Variants in CCNH observed in about 807,000 individuals in gnomAD.
CCNH encodes the protein cyclin-H.
A neutral mutation model predicts 41.9 loss-of-function variants in CCNH; 31 were observed. That is an observed-to-expected ratio of 0.74 (90% CI 0.56 to 1.00). The LOEUF is 1.00. Ranked by LOEUF, CCNH falls within the 50% of genes least tolerant of loss-of-function variation. The pLI is 0.00. For missense variants in CCNH, 362 were observed against 388.4 expected (o/e 0.93, Z 0.57); for synonymous variants, 138 against 136.1 (o/e 1.01, Z -0.10).
intron 9 of CCNH, among the ~76,000 whole-genome samples, chr5:87,367,178 A>G (rs1052297659): frequency 5.9e-5 from 9 of 152,246 alleles, no homozygotes; most frequent in Non-Finnish European, 1.2e-4. Context: ...AGCATTAACA[A>G]AGTACATTTC....
chr5:87,394,800 G>A, intron 8 of CCNH: 2 of 1,359,680 alleles, frequency 1.5e-6, no homozygotes, highest in Non-Finnish European at 9.4e-7. Context: ...CAAAAATGTA[G>A]TATGTATACA....
chr5:87,412,350 T>C, intron 1 of CCNH: 1 of 1,016,282 alleles, frequency 9.8e-7, no homozygotes, highest in Non-Finnish European at 1.2e-6. Flanking sequence ...TTTCTCCGCA[T>C]TGGCTACTGG....
intron 9 of CCNH, among the ~76,000 whole-genome samples, chr5:87,322,596 G>C (rs908192634): frequency 6.6e-6 from 1 of 152,038 alleles, no homozygotes; most frequent in Admixed American, 6.6e-5. Context: ...TTTGCCTTCT[G>C]CCATGAGTAA....
At chr5:87,412,353 G>A in intron 1 of CCNH, 1 of 1,028,112 alleles carries the variant, frequency 9.7e-7, no homozygotes, top group Non-Finnish European at 1.2e-6. Flanking sequence ...CTCCGCATTG[G>A]CTACTGGGAA....
At chr5:87,389,512 G>A, downstream of CCNH, 1 of 1,614,080 alleles carries the variant, frequency 6.2e-7, no homozygotes, top group Non-Finnish European at 8.5e-7. Context: ...TCAGTAATGA[G>A]CGTGGTGCAC....
intron 7 of CCNH, among the ~76,000 whole-genome samples, chr5:87,397,604 T>A (rs1012387231): frequency 4.9e-4 from 74 of 152,304 alleles, no homozygotes; most frequent in South Asian, 8.3e-4. Flanking sequence ...GATTTTTTTT[T>A]AAAAAAGTCC....
At chr5:87,326,767 T>C (rs1757260924) in intron 9 of CCNH, among the ~76,000 whole-genome samples, 1 of 152,166 alleles carries the variant, frequency 6.6e-6, no homozygotes, top group South Asian at 2.1e-4. Flanking sequence ...GAATTTCTAG[T>C]TTATTAATAG....
intron 9 of CCNH, among the ~76,000 whole-genome samples, chr5:87,360,483 T>C (rs1760004587): frequency 1.3e-5 from 2 of 152,214 alleles, no homozygotes; most frequent in African/African-American, 4.8e-5. Flanking sequence ...GCTCCATAAT[T>C]GTAAAATATT....
At position 87,400,635 on chromosome 5, in the gene CCNH, C is replaced by T. The variant is rs3093820; in HGVS notation, c.760+1067G>A. 2.2e-3 allele frequency among the ~76,000 whole-genome samples: 331 copies of T among 152,268 alleles called. 2 individuals are homozygous for T. The highest frequency in any genetic ancestry group is 3.5e-3 in the Non-Finnish European group (235 of 68,014). On this transcript the variant is annotated intron_variant, in intron 6 of 8. Coordinates refer to ENST00000256897, the MANE Select transcript of CCNH (RefSeq NM_001239.4). ...AGAATCAGGAAATGATACATAGATG[C>T]CCTGAAGCATCTTAAATTTTAAAAC...
chr5:87,348,557 A>G (rs1759026000), intron 9 of CCNH, among the ~76,000 whole-genome samples: 1 of 152,066 alleles, frequency 6.6e-6, no homozygotes, highest in East Asian at 1.9e-4. Context: ...GATTTTTGAT[A>G]ATGTATACAC....
At chr5:87,343,766 A>G (rs1429047692) in intron 9 of CCNH, among the ~76,000 whole-genome samples, 1 of 152,138 alleles carries the variant, frequency 6.6e-6, no homozygotes, top group African/African-American at 2.4e-5. Context: ...AGACAGCTGC[A>G]CTCCTATGTT....
At chr5:87,380,388 T>G, upstream of CCNH, 1 of 903,064 alleles carries the variant, frequency 1.1e-6, no homozygotes, top group Non-Finnish European at 1.8e-6. Context: ...AAAATACTTT[T>G]TTGGGTAAAA....
chr5:87,322,584 C>T (rs768345456), intron 9 of CCNH, among the ~76,000 whole-genome samples: 23 of 152,084 alleles, frequency 1.5e-4, no homozygotes, highest in Non-Finnish European at 2.4e-4. Flanking sequence ...GCTAGCTCTC[C>T]CTTTGCCTTC....
At chr5:87,405,878 A>G (rs1763752130) in intron 4 of CCNH, among the ~76,000 whole-genome samples, 1 of 152,034 alleles carries the variant, frequency 6.6e-6, no homozygotes, top group African/African-American at 2.4e-5. Context: ...TTGCAACTAT[A>G]CCAAGATTTC....
At chr5:87,315,686 A>G (rs181515081), downstream of CCNH, among the ~76,000 whole-genome samples, 279 of 152,348 alleles carry the variant, frequency 1.8e-3, 1 homozygote, top group Non-Finnish European at 2.2e-3. Flanking sequence ...AGAGGGTTGA[A>G]CAACTGCTGT....
chr5:87,383,664 A>T, intron 9 of CCNH: 1 of 1,365,322 alleles, frequency 7.3e-7, no homozygotes. Flanking sequence ...GTAACACATT[A>T]TATAGGTGTT....
At chr5:87,350,539 ACTTC>A (rs1382990570) in intron 9 of CCNH, among the ~76,000 whole-genome samples, 1 of 151,744 alleles carries the variant, frequency 6.6e-6, no homozygotes, top group Non-Finnish European at 1.5e-5. Context: ...ACTAACTTAA[ACTTC>A]CTTATGATAC....
chr5:87,412,823 C>G lies in CCNH; in HGVS notation c.-29G>C. The stretch of plus-strand genomic sequence containing the variant: ...GGAATCGTGACCAGGTCCAGAGGGT[C>G]TGCAGACGAGAACCCAAACGCATCA... On this transcript the variant is annotated 5_prime_UTR_variant, in exon 1 of 9. Coordinates refer to ENST00000256897, the MANE Select transcript of CCNH (RefSeq NM_001239.4). 6.2e-7 allele frequency: 1 copy of G among 1,605,880 alleles called. No homozygotes were observed. The highest frequency in any genetic ancestry group is 8.5e-7 in the Non-Finnish European group (1 of 1,173,576).
chr5:87,323,331 G>C (rs1375164446), intron 9 of CCNH, among the ~76,000 whole-genome samples: 1 of 152,136 alleles, frequency 6.6e-6, no homozygotes, highest in Non-Finnish European at 1.5e-5. Context: ...AAAAATCTTT[G>C]TTGAATGAAT....
Sources: allele counts gnomAD v4.1 joint callset (sites outside exome capture counted in the v4.1 genomes callset), GRCh38; gene constraint gnomAD v4.1.1; transcripts MANE v1.5; gene names NCBI Gene and HGNC (gene_info 2026-07-23, HGNC 2026-07-21).